PTPRD: variants seen among roughly 807,000 people sequenced by gnomAD.
The protein encoded by PTPRD is receptor-type tyrosine-protein phosphatase delta.
In PTPRD, 34 loss-of-function variants were observed where a neutral mutation model predicts 214.5. The observed-to-expected ratio is 0.16, with a 90% CI of 0.12 to 0.21. The LOEUF (loss-of-function observed/expected upper bound fraction) is 0.21. Ranked by LOEUF, PTPRD falls within the 10% of genes least tolerant of loss-of-function variation. The pLI is 1.00. For missense variants in PTPRD, 2,545 were observed against 2,398.7 expected (o/e 1.06, Z -1.27); for synonymous variants, 1,128 against 845.7 (o/e 1.33, Z -5.79).
chr9:8,327,001 T>A (rs574494888), intron 44 of PTPRD, among the ~76,000 whole-genome samples: 2 of 146,806 alleles, frequency 1.4e-5, no homozygotes, highest in Non-Finnish European at 3.0e-5. Context: ...ATTCATTGAT[T>A]TTTTGAAGGG....
At chr9:8,568,728 A>G (rs1226551615) in intron 14 of PTPRD, among the ~76,000 whole-genome samples, 7 of 152,160 alleles carry the variant, frequency 4.6e-5, no homozygotes, top group Non-Finnish European at 7.4e-5. Flanking sequence ...AACCTCCAGT[A>G]TAAACCTGAG....
At chr9:8,865,925 G>A (rs10977327) in intron 11 of PTPRD, among the ~76,000 whole-genome samples, 27,076 of 152,146 alleles carry the variant, frequency 0.18, 3,046 homozygotes, top group East Asian at 0.3. Flanking sequence ...TGATGAGAAT[G>A]ATTATAAAGT....
At chr9:9,504,696 A>T (rs930008868) in intron 8 of PTPRD, among the ~76,000 whole-genome samples, 5 of 151,702 alleles carry the variant, frequency 3.3e-5, no homozygotes, top group Non-Finnish European at 7.4e-5. Context: ...CAAGTCTGAA[A>T]GGGAGAAACA....
chr9:9,505,382 C>A (rs2096546545), intron 8 of PTPRD, among the ~76,000 whole-genome samples: 1 of 151,428 alleles, frequency 6.6e-6, no homozygotes, highest in Non-Finnish European at 1.5e-5. Context: ...TTTCCTCTTG[C>A]AAAAGTGGCC....
At chr9:8,865,121 T>G (rs1388215312) in intron 11 of PTPRD, among the ~76,000 whole-genome samples, 1 of 150,496 alleles carries the variant, frequency 6.6e-6, no homozygotes, top group Non-Finnish European at 1.5e-5. Context: ...GTCTGTTCTG[T>G]TATCACTTTT....
intron 11 of PTPRD, among the ~76,000 whole-genome samples, chr9:8,869,297 AT>A (rs1566737136): frequency 6.6e-6 from 1 of 152,204 alleles, no homozygotes; most frequent in African/African-American, 2.4e-5. Flanking sequence ...AAAACTATCA[AT>A]TTACAACTAG....
chr9:8,976,636 T>C (rs2099269477), intron 11 of PTPRD, among the ~76,000 whole-genome samples: 1 of 152,120 alleles, frequency 6.6e-6, no homozygotes, highest in African/African-American at 2.4e-5. Context: ...ATTTTGGCCT[T>C]GTGTTCTTTC....
chr9:10,563,918 A>G (rs868267839), intron 2 of PTPRD, among the ~76,000 whole-genome samples: 3 of 151,962 alleles, frequency 2.0e-5, no homozygotes, highest in South Asian at 4.1e-4. Flanking sequence ...GATCTATAAA[A>G]TTATGTTTGA....
chr9:9,776,208 C>G (rs1016052952), intron 5 of PTPRD, among the ~76,000 whole-genome samples: 1 of 152,146 alleles, frequency 6.6e-6, no homozygotes, highest in South Asian at 2.1e-4. Context: ...TGTTTAGATT[C>G]TATTCCTTGT....
At chr9:10,135,152 A>G (rs1428866562) in intron 3 of PTPRD, among the ~76,000 whole-genome samples, 2 of 152,210 alleles carry the variant, frequency 1.3e-5, no homozygotes, top group Admixed American at 6.5e-5. Context: ...AGTCCTTTGA[A>G]TCAGCTTAGT....
chr9:10,602,105 G>A (rs538588647), intron 2 of PTPRD, among the ~76,000 whole-genome samples: 1 of 151,760 alleles, frequency 6.6e-6, no homozygotes, highest in East Asian at 1.9e-4. Flanking sequence ...TGTATTTTAT[G>A]CATCCCTCCT....
At chr9:10,478,691 A>G (rs991340327) in intron 2 of PTPRD, among the ~76,000 whole-genome samples, 1 of 151,834 alleles carries the variant, frequency 6.6e-6, no homozygotes, top group Non-Finnish European at 1.5e-5. Flanking sequence ...TAACATATCA[A>G]AATACAATTA....
intron 8 of PTPRD, among the ~76,000 whole-genome samples, chr9:9,564,850 T>C (rs922904920): frequency 6.7e-6 from 1 of 148,700 alleles, no homozygotes; most frequent in Non-Finnish European, 1.5e-5. Context: ...CCTCCAGAAA[T>C]GTAAGCTGAA....
chr9:9,798,823 T>C (rs901088897), intron 5 of PTPRD, among the ~76,000 whole-genome samples: 29 of 152,148 alleles, frequency 1.9e-4, no homozygotes, highest in African/African-American at 6.3e-4. Flanking sequence ...GTCTTAGATA[T>C]GGAGATATAA....
chr9:9,381,371 AT>A (rs34743279), intron 9 of PTPRD, among the ~76,000 whole-genome samples: 13 of 74,216 alleles, frequency 1.8e-4, no homozygotes, highest in East Asian at 9.6e-4. Context: ...TTTTTTTTTT[AT>A]TTTTTTTTTG....
At chr9:9,227,192 T>C (rs1455841210) in intron 9 of PTPRD, among the ~76,000 whole-genome samples, 1 of 152,166 alleles carries the variant, frequency 6.6e-6, no homozygotes, top group Non-Finnish European at 1.5e-5. Context: ...CGGTCATATG[T>C]TAAGTTTCCT....
chr9:10,491,311 G>C (rs1372779131), intron 2 of PTPRD, among the ~76,000 whole-genome samples: 1 of 151,920 alleles, frequency 6.6e-6, no homozygotes, highest in East Asian at 1.9e-4. Flanking sequence ...TTTCATTGAG[G>C]AATACATGTT....
chr9:9,731,156 C>A (rs1013028197), intron 7 of PTPRD, among the ~76,000 whole-genome samples: 4 of 152,052 alleles, frequency 2.6e-5, no homozygotes, highest in African/African-American at 9.7e-5. Flanking sequence ...TAAATTTTTA[C>A]TGCTGGTATT....
intron 12 of PTPRD, among the ~76,000 whole-genome samples, chr9:8,640,093 G>C (rs749567289): frequency 2.0e-5 from 3 of 152,008 alleles, no homozygotes; most frequent in African/African-American, 7.3e-5. Context: ...ACCATGCCTG[G>C]GTAATGTTTT....
Sources: allele counts gnomAD v4.1 joint callset (sites outside exome capture counted in the v4.1 genomes callset), GRCh38; gene constraint gnomAD v4.1.1; transcripts MANE v1.5; gene names NCBI Gene and HGNC (gene_info 2026-07-23, HGNC 2026-07-21).